The following TRPM3 variants were observed in gnomAD, a reference collection of about 807,000 sequenced individuals.
TRPM3 encodes the protein long transient receptor potential channel 3.
TRPM3 carries 77 observed loss-of-function variants against 181.2 expected under a neutral mutation model. The observed-to-expected ratio is 0.42, with a 90% CI of 0.35 to 0.51. The LOEUF (loss-of-function observed/expected upper bound fraction) is 0.51, where lower values mean the gene tolerates loss of function less well. Among genes scored for constraint, TRPM3 ranks in the 20% least tolerant of loss-of-function variants. The pLI is 0.01. For synonymous variants in TRPM3, 745 were observed against 796.4 expected (o/e 0.94, Z 1.09); for missense variants, 1,759 against 2,196.7 (o/e 0.80, Z 3.98).
At chr9:70,592,811 A>C (rs371357221) in intron 21 of TRPM3, among the ~76,000 whole-genome samples, 1 of 152,026 alleles carries the variant, frequency 6.6e-6, no homozygotes, top group East Asian at 1.9e-4. Context: ...GCTCACTGCA[A>C]CCTCAGCCTC....
intron 1 of TRPM3, among the ~76,000 whole-genome samples, chr9:71,399,521 CTTTTGTTTTTTTTT>C (rs2093285724): frequency 3.7e-5 from 4 of 107,520 alleles, no homozygotes; most frequent in East Asian, 2.8e-4. Context: ...CTTATATTTT[CTTTTGTTTTTTTTT>C]TTTTTTTTTT....
chr9:70,590,133 G>A (rs1388210287), intron 22 of TRPM3, among the ~76,000 whole-genome samples: 4 of 152,216 alleles, frequency 2.6e-5, no homozygotes, highest in Non-Finnish European at 5.9e-5. Context: ...CAGGGGAAAT[G>A]AGAAATCATT....
At chr9:71,404,217 C>A (rs560149927) in intron 1 of TRPM3, among the ~76,000 whole-genome samples, 27 of 152,200 alleles carry the variant, frequency 1.8e-4, no homozygotes, top group African/African-American at 6.0e-4. Flanking sequence ...AGTAGCAGCT[C>A]AATAATACTA....
intron 8 of TRPM3, among the ~76,000 whole-genome samples, chr9:70,754,254 C>T (rs1478318008): frequency 6.6e-6 from 1 of 152,094 alleles, no homozygotes; most frequent in Non-Finnish European, 1.5e-5. Context: ...TTTTCCTGGT[C>T]TTGATATTCT....
intron 1 of TRPM3, among the ~76,000 whole-genome samples, chr9:71,032,186 T>A (rs12552788): frequency 1.0e-5 from 1 of 99,628 alleles, no homozygotes; most frequent in East Asian, 2.7e-4. Context: ...TACTATATAT[T>A]ATATAATATA....
chr9:71,328,925 T>A (rs775444489), intron 1 of TRPM3, among the ~76,000 whole-genome samples: 1 of 152,238 alleles, frequency 6.6e-6, no homozygotes, highest in Non-Finnish European at 1.5e-5. Flanking sequence ...TACTCACATA[T>A]GGACAATGCT....
intron 1 of TRPM3, among the ~76,000 whole-genome samples, chr9:71,084,888 T>C (rs1050811672): frequency 6.6e-6 from 1 of 151,828 alleles, no homozygotes; most frequent in African/African-American, 2.4e-5. Flanking sequence ...ATGCTGCAAG[T>C]CTATAGTAAC....
At chr9:71,142,980 TAAA>T (rs34661280) in intron 1 of TRPM3, among the ~76,000 whole-genome samples, 91,727 of 146,956 alleles carry the variant, frequency 0.62, 30,823 homozygotes, top group East Asian at 0.79. Flanking sequence ...AAGAAAATGT[TAAA>T]AAAAAAAAAA....
At chr9:70,550,419 T>C (rs578012213) in intron 24 of TRPM3, among the ~76,000 whole-genome samples, 1 of 152,354 alleles carries the variant, frequency 6.6e-6, no homozygotes, top group African/African-American at 2.4e-5. Context: ...GATCTTTGAC[T>C]TCAATGAGCC....
At chr9:71,078,316 TAAAG>T (rs762827932) in intron 1 of TRPM3, among the ~76,000 whole-genome samples, 3 of 152,190 alleles carry the variant, frequency 2.0e-5, no homozygotes, top group Non-Finnish European at 4.4e-5. Context: ...TATGTGGAAA[TAAAG>T]GAAGATGCAG....
chr9:71,393,683 G>A (rs550033508), intron 1 of TRPM3, among the ~76,000 whole-genome samples: 2 of 152,076 alleles, frequency 1.3e-5, no homozygotes, highest in South Asian at 4.2e-4. Flanking sequence ...CCTTCCAACC[G>A]CACACAGCCA....
chr9:71,280,592 G>C (rs1471078019), intron 1 of TRPM3, among the ~76,000 whole-genome samples: 2 of 152,166 alleles, frequency 1.3e-5, no homozygotes, highest in Non-Finnish European at 2.9e-5. Flanking sequence ...TTAAATAATG[G>C]AGTCAAATAA....
At chr9:70,746,361 C>G (rs1433174958) in intron 8 of TRPM3, among the ~76,000 whole-genome samples, 1 of 151,904 alleles carries the variant, frequency 6.6e-6, no homozygotes, top group Non-Finnish European at 1.5e-5. Context: ...AGATAGTTGG[C>G]CTTCAGTTTC....
At chr9:71,170,239 T>C (rs2076783397) in intron 1 of TRPM3, among the ~76,000 whole-genome samples, 1 of 151,802 alleles carries the variant, frequency 6.6e-6, no homozygotes, top group South Asian at 2.1e-4. Context: ...TACAGCAGAA[T>C]AGAGAACACG....
intron 5 of TRPM3, among the ~76,000 whole-genome samples, chr9:70,839,116 C>G (rs549442443): frequency 6.6e-6 from 1 of 152,258 alleles, no homozygotes; most frequent in Admixed American, 6.5e-5. Flanking sequence ...TGTGATGCAG[C>G]TTGGGGGTAG....
chr9:70,919,784 CAA>C (rs34469005), intron 1 of TRPM3, among the ~76,000 whole-genome samples: 9 of 130,648 alleles, frequency 6.9e-5, no homozygotes, highest in Admixed American at 1.6e-4. Context: ...AACTCCATTT[CAA>C]AAAAAAAAAA....
chr9:71,444,325 A>T (rs2094176386), intron 1 of TRPM3, among the ~76,000 whole-genome samples: 1 of 152,208 alleles, frequency 6.6e-6, no homozygotes, highest in South Asian at 2.1e-4. Context: ...ACATTAAAAA[A>T]ACAATTATTT....
At chr9:71,312,669 T>C (rs966479322) in intron 1 of TRPM3, among the ~76,000 whole-genome samples, 1 of 152,160 alleles carries the variant, frequency 6.6e-6, no homozygotes, top group African/African-American at 2.4e-5. Flanking sequence ...CTTCAGTAGA[T>C]AAATGGCTAA....
chr9:71,435,812 T>C (rs576211540), intron 1 of TRPM3, among the ~76,000 whole-genome samples: 11 of 152,162 alleles, frequency 7.2e-5, no homozygotes, highest in African/African-American at 2.7e-4. Context: ...AATAAAGAGA[T>C]GGTTTTCAAT....
Sources: allele counts gnomAD v4.1 joint callset (sites outside exome capture counted in the v4.1 genomes callset), GRCh38; gene constraint gnomAD v4.1.1; transcripts MANE v1.5; gene names NCBI Gene and HGNC (gene_info 2026-07-23, HGNC 2026-07-21).